Variants in TRPC4 observed in about 807,000 individuals in gnomAD.
TRPC4 encodes the protein short transient receptor potential channel 4.
In TRPC4, 49 loss-of-function variants were observed where a neutral mutation model predicts 99.4. The ratio of observed to expected loss-of-function variants is 0.49; its 90% confidence interval spans 0.39 to 0.63. The LOEUF is 0.63. Ranked by LOEUF, TRPC4 falls within the 20% of genes least tolerant of loss-of-function variation. TRPC4 has a pLI of 0.00. For synonymous variants in TRPC4, 454 were observed against 425.9 expected, an observed-to-expected ratio of 1.07 and a Z score of -0.81; for missense variants, 898 against 1,152.9, an observed-to-expected ratio of 0.78 and a Z score of 3.20.
intron 3 of TRPC4, among the ~76,000 whole-genome samples, chr13:37,737,116 T>C (rs1463480514): frequency 6.6e-6 from 1 of 152,018 alleles, no homozygotes; most frequent in Non-Finnish European, 1.5e-5. Flanking sequence ...TGTTAAATGA[T>C]GAAGCTAACA....
chr13:37,770,526 C>A (rs556412766), intron 2 of TRPC4, among the ~76,000 whole-genome samples: 3 of 151,414 alleles, frequency 2.0e-5, no homozygotes, highest in African/African-American at 7.3e-5. Context: ...CATATTACCA[C>A]CAAGCCAAGC....
chr13:37,655,931 G>A (rs1397708722), intron 6 of TRPC4, among the ~76,000 whole-genome samples: 1 of 152,076 alleles, frequency 6.6e-6, no homozygotes, highest in Non-Finnish European at 1.5e-5. Flanking sequence ...TTTTGCTTTG[G>A]TTGTAGGAGA....
rs114889772 is a variant in TRPC4, at chr13:37,712,632, C to T, written c.898-20297G>A. 7.0e-3 allele frequency among the ~76,000 whole-genome samples: 1,069 copies of T among 152,232 alleles called. 13 individuals carry two copies. Among genetic ancestry groups the T allele is most frequent in the African/African-American group, 0.025 (1,027 of 41,556 alleles). On this transcript the variant is annotated intron_variant, in intron 3 of 10. Transcript: ENST00000379705. Reference sequence around the variant, plus strand: ...CTTTGCCCCTTGCTAATATTATCCTCAAGAGCATGGGAGAATTGGTCAGTT... The same window carrying T: ...CTTTGCCCCTTGCTAATATTATCCTTAAGAGCATGGGAGAATTGGTCAGTT...
At chr13:37,788,987 G>A in intron 1 of TRPC4, among the ~76,000 whole-genome samples, 1 of 151,982 alleles carries the variant, frequency 6.6e-6, no homozygotes, top group East Asian at 1.9e-4. Flanking sequence ...TTTTACACGA[G>A]CTACAGCAAT....
chr13:37,715,168 C>T (rs913830861), intron 3 of TRPC4, among the ~76,000 whole-genome samples: 1 of 152,144 alleles, frequency 6.6e-6, no homozygotes, highest in African/African-American at 2.4e-5. Context: ...ACTTGTCCAC[C>T]TTTCTTATTC....
At chr13:37,679,300 A>G (rs1370731322) in intron 4 of TRPC4, among the ~76,000 whole-genome samples, 1 of 152,160 alleles carries the variant, frequency 6.6e-6, no homozygotes, top group Non-Finnish European at 1.5e-5. Context: ...TTCAACTCCA[A>G]AAAGTTAGTG....
chr13:37,786,333 C>T (rs572097974), intron 1 of TRPC4, among the ~76,000 whole-genome samples: 3 of 131,390 alleles, frequency 2.3e-5, no homozygotes, highest in East Asian at 2.4e-4. Flanking sequence ...CACACACACA[C>T]GTAGAGAAGA....
intron 2 of TRPC4, among the ~76,000 whole-genome samples, chr13:37,753,988 T>A (rs1327977033): frequency 6.6e-6 from 1 of 152,108 alleles, no homozygotes; most frequent in Non-Finnish European, 1.5e-5. Context: ...TGGGCGATAC[T>A]GAAGCTATGG....
chr13:37,793,089 C>T (rs1957162708), intron 1 of TRPC4, among the ~76,000 whole-genome samples: 1 of 152,154 alleles, frequency 6.6e-6, no homozygotes, highest in East Asian at 1.9e-4. Context: ...GACGTTGAGA[C>T]GTCTGGTTAG....
At chr13:37,756,889 A>G (rs1009138677) in intron 2 of TRPC4, among the ~76,000 whole-genome samples, 7 of 152,026 alleles carry the variant, frequency 4.6e-5, no homozygotes, top group Admixed American at 6.6e-5. Context: ...CCAGAAAATA[A>G]TTATAATAAA....
chr13:37,837,825 G>A (rs1267230869), intron 1 of TRPC4, among the ~76,000 whole-genome samples: 7 of 152,170 alleles, frequency 4.6e-5, no homozygotes, highest in African/African-American at 1.7e-4. Flanking sequence ...GCATGATATG[G>A]TTTGGCTGTG....
intron 2 of TRPC4, among the ~76,000 whole-genome samples, chr13:37,774,868 T>C (rs1341956497): frequency 6.6e-6 from 1 of 151,754 alleles, no homozygotes; most frequent in African/African-American, 2.4e-5. Flanking sequence ...ATAATATGTA[T>C]TTTCATAATT....
chr13:37,650,471 G>T lies in TRPC4; in HGVS notation c.2079+794C>A, dbSNP rs374583463. On this transcript the variant is annotated intron_variant, in intron 8 of 10. Transcript: ENST00000379705. ...ACGTGGTGTATCTTCTGCTGGAATT[G>T]CTTGAAACCCTGATTTCCAAAATGA... Among the ~76,000 whole-genome samples, 7 of 152,158 alleles carry T rather than the reference G, an allele frequency of 4.6e-5. No individual in the cohort carries two copies. In the South Asian group the frequency reaches 1.0e-3, roughly 23 times the overall value.
chr13:37,651,585 C>T (rs1439960843), intron 7 of TRPC4, 126 bp from the exon 8 acceptor site: 2 of 800,934 alleles, frequency 2.5e-6, no homozygotes, highest in East Asian at 2.6e-5. Context: ...CTTCTAAAAC[C>T]ACCACTGACT....
At chr13:37,672,671 A>G (rs1173252187) in intron 5 of TRPC4, among the ~76,000 whole-genome samples, 1 of 152,226 alleles carries the variant, frequency 6.6e-6, no homozygotes, top group African/African-American at 2.4e-5. Context: ...TCTAAGAATC[A>G]TGACAGAAGA....
chr13:37,685,276 A>T (rs911527011), intron 4 of TRPC4, among the ~76,000 whole-genome samples: 6 of 151,970 alleles, frequency 3.9e-5, no homozygotes, highest in African/African-American at 1.4e-4. Flanking sequence ...TCTACCTCTC[A>T]CACTTTTGGG....
At chr13:37,730,629 T>C (rs917715668) in intron 3 of TRPC4, among the ~76,000 whole-genome samples, 3 of 152,014 alleles carry the variant, frequency 2.0e-5, no homozygotes, top group South Asian at 4.1e-4. Flanking sequence ...AATACTCACA[T>C]ATAAGTTGGT....
chr13:37,778,007 C>T (rs1359082119), intron 2 of TRPC4, among the ~76,000 whole-genome samples: 1 of 151,978 alleles, frequency 6.6e-6, no homozygotes, highest in Non-Finnish European at 1.5e-5. Context: ...TGTCTGGGGT[C>T]ACAATTAATA....
At chr13:37,698,798 G>A (rs977985791) in intron 3 of TRPC4, among the ~76,000 whole-genome samples, 1 of 152,152 alleles carries the variant, frequency 6.6e-6, no homozygotes, top group African/African-American at 2.4e-5. Context: ...CATTAAGCAC[G>A]ATGCCAATAG....
Sources: allele counts gnomAD v4.1 joint callset (sites outside exome capture counted in the v4.1 genomes callset), GRCh38; gene constraint gnomAD v4.1.1; transcripts MANE v1.5; gene names NCBI Gene and HGNC (gene_info 2026-07-23, HGNC 2026-07-21).